Variants in ULK2 observed in about 807,000 individuals in gnomAD.
ULK2 encodes the protein serine/threonine-protein kinase ULK2.
A neutral mutation model predicts 127.5 loss-of-function variants in ULK2; 76 were observed. The ratio of observed to expected loss-of-function variants is 0.60; its 90% CI spans 0.50 to 0.72. The LOEUF is 0.72. Ranked by LOEUF, ULK2 falls within the 30% of genes least tolerant of loss-of-function variation. The pLI is 0.00. For missense variants in ULK2, 1,144 were observed against 1,295.9 expected, an observed-to-expected ratio of 0.88 and a Z score of 1.80; for synonymous variants, 452 against 461.9, an observed-to-expected ratio of 0.98 and a Z score of 0.28.
At chr17:19,840,414 C>T in intron 9 of ULK2, 1 of 501,124 alleles carries the variant, frequency 2.0e-6, no homozygotes, top group Non-Finnish European at 4.0e-6. Flanking sequence ...TGCATTTGGG[C>T]CCCTCTTCTT....
chr17:19,824,869 GC>G (rs556216096), intron 12 of ULK2, among the ~76,000 whole-genome samples: 40 of 152,308 alleles, frequency 2.6e-4, no homozygotes, highest in African/African-American at 9.1e-4. Flanking sequence ...GAGGAAAATG[GC>G]CCAGAGAGGT....
intron 3 of ULK2, among the ~76,000 whole-genome samples, chr17:19,856,321 G>A (rs574659942): frequency 3.3e-5 from 5 of 152,068 alleles, no homozygotes; most frequent in African/African-American, 4.8e-5. Flanking sequence ...GGTGGCTCAC[G>A]CCTGTAATCC....
At chr17:19,800,569 C>T (rs1349888075) in intron 16 of ULK2, among the ~76,000 whole-genome samples, 3 of 152,148 alleles carry the variant, frequency 2.0e-5, no homozygotes, top group African/African-American at 4.8e-5. Flanking sequence ...GAAACCATTG[C>T]AACAGGTAAT....
chr17:19,829,679 T>C (rs899428189), intron 10 of ULK2, among the ~76,000 whole-genome samples: 1 of 145,408 alleles, frequency 6.9e-6, no homozygotes, highest in Admixed American at 7.0e-5. Context: ...CTACTAAAAA[T>C]ATAAAAATTA....
intron 13 of ULK2, 121 bp downstream of exon 13, chr17:19,816,628 T>A: frequency 1.2e-6 from 1 of 867,230 alleles, no homozygotes; most frequent in South Asian, 4.1e-5. Flanking sequence ...TTCAAACAAC[T>A]AAATAAAATG....
chr17:19,795,327 G>A (rs747067351), intron 20 of ULK2, among the ~76,000 whole-genome samples: 39 of 112,678 alleles, frequency 3.5e-4, no homozygotes, highest in Non-Finnish European at 5.3e-4. Context: ...GGCCAACTTC[G>A]ACCAGTATTA....
intron 21 of ULK2, among the ~76,000 whole-genome samples, chr17:19,784,925 T>G (rs2086996659): frequency 6.6e-6 from 1 of 152,214 alleles, no homozygotes; most frequent in Non-Finnish European, 1.5e-5. Flanking sequence ...TTTAATCGTC[T>G]TAAAAACATA....
At chr17:19,838,723 G>A (rs911486294) in intron 9 of ULK2, 140 bp from the exon 10 acceptor site, 1 of 691,884 alleles carries the variant, frequency 1.4e-6, no homozygotes, top group Non-Finnish European at 2.3e-6. Context: ...GACCATGTAA[G>A]AGTCATCTAA....
intron 22 of ULK2, among the ~76,000 whole-genome samples, chr17:19,783,148 T>C (rs2086955008): frequency 6.6e-6 from 1 of 152,104 alleles, no homozygotes; most frequent in Admixed American, 6.6e-5. Flanking sequence ...ACTGTATGTT[T>C]CAATACACTG....
intron 16 of ULK2, among the ~76,000 whole-genome samples, chr17:19,800,646 G>A (rs764230524): frequency 6.6e-6 from 1 of 152,000 alleles, no homozygotes; most frequent in Non-Finnish European, 1.5e-5. Flanking sequence ...TTTTAAACAG[G>A]GCTCCTGAGG....
At chr17:19,798,316 C>T (rs1051825444) in intron 17 of ULK2, among the ~76,000 whole-genome samples, 2 of 152,154 alleles carry the variant, frequency 1.3e-5, no homozygotes, top group African/African-American at 2.4e-5. Flanking sequence ...ACAAAGATAA[C>T]ACTTGCCTGC....
Position 19,841,540 on chromosome 17 carries a change from C to A in ULK2, c.653G>T (p.Ser218Ile). ...LVGKPPFQAN[S>I]PQDLRMFYEK... is the part of the protein sequence containing the mutation. ...ATAAAACATCCTTAAGTCTTGAGGA[C>A]TATTGGCCTATTAAAAAAAAAAAGG... Residue 218 changes from serine (S) to isoleucine (I), a missense_variant, in exon 9 of 27, where the codon AGT becomes ATT. Around this residue, in one of 2 missense-constraint regions of ULK2, gnomAD observed 231 missense variants for 325.4 expected, o/e 0.71. Coordinates refer to ENST00000395544, the MANE Select transcript of ULK2 (RefSeq NM_014683.4). The A allele has an allele frequency of 6.4e-7, 1 of 1,569,096 alleles. No homozygotes were observed. The highest frequency in any genetic ancestry group is 8.6e-7 in the Non-Finnish European group (1 of 1,165,950).
chr17:19,850,063 A>C lies in ULK2; in HGVS notation c.226-289T>G, dbSNP rs116573422. ...TTGGTTATGATTGACCTAAAACAAC[A>C]GATCTAGGACAAAAAGCATGGTAAA... On this transcript the variant is annotated intron_variant, in intron 3 of 26. Coordinates refer to ENST00000395544, the MANE Select transcript of ULK2 (RefSeq NM_014683.4). Among the ~76,000 whole-genome samples, 291 of 152,330 alleles carry C rather than the reference A, an allele frequency of 1.9e-3. 1 individual carries two copies. Among genetic ancestry groups the C allele is most frequent in the African/African-American group, 6.6e-3 (275 of 41,576 alleles).
intron 3 of ULK2, among the ~76,000 whole-genome samples, chr17:19,860,766 T>C (rs746650450): frequency 6.6e-4 from 101 of 152,110 alleles, no homozygotes; most frequent in Non-Finnish European, 1.3e-3. Context: ...TCAGATGATC[T>C]GCCTGCCTCG....
At position 19,816,775 on chromosome 17, in the gene ULK2, GGCACCAAAACAAA is replaced by G; in HGVS notation, c.1057_1069del (p.Phe353HisfsTer51). On this transcript the variant is annotated frameshift_variant, in exon 13 of 27. Transcript: ENST00000395544. LOFTEE classifies it high-confidence loss of function. ...TGAGTGGTCTGACGAGATGTTGTGT[GGCACCAAAACAAA>G]GTCATCCGTGTCACAAGAAGAGTTC... 1 of 1,604,466 alleles carries G rather than the reference GGCACCAAAACAAA, an allele frequency of 6.2e-7. No individual in the cohort carries two copies. Among genetic ancestry groups the G allele is most frequent in the Non-Finnish European group, 8.5e-7 (1 of 1,177,162 alleles).
intron 3 of ULK2, among the ~76,000 whole-genome samples, chr17:19,857,412 T>C (rs2042157554): frequency 6.6e-6 from 1 of 152,164 alleles, no homozygotes; most frequent in Non-Finnish European, 1.5e-5. Context: ...ATCCCTTGGA[T>C]TGTACAGTCA....
At position 19,776,122 on chromosome 17, in the gene ULK2, T is replaced by C. The variant is rs2086807548; in HGVS notation, c.*227A>G. On this transcript the variant is annotated 3_prime_UTR_variant, in exon 27 of 27. Transcript: ENST00000395544. ...ACTGGGAGCCAAACACTCTTGCTCCTGCTTCTACAAAGAAAAAGGGAAAGG... is the reference window on the plus strand; with the variant it reads ...ACTGGGAGCCAAACACTCTTGCTCCCGCTTCTACAAAGAAAAAGGGAAAGG... 4 of 500,714 alleles carry C rather than the reference T, an allele frequency of 8.0e-6. No individual in the cohort carries two copies. Among genetic ancestry groups the C allele is most frequent in the Non-Finnish European group, 1.4e-5 (4 of 279,650 alleles). The allele number at this position is 500,714 out of a possible 1,614,324, so 31.0% of individuals were successfully genotyped here.
At position 19,810,402 on chromosome 17, in the gene ULK2, G is replaced by A. The variant is rs776487226; in HGVS notation, c.1133C>T (p.Ser378Leu). 3.7e-6 allele frequency: 6 copies of A among 1,607,772 alleles called. No homozygotes were observed. Among genetic ancestry groups the A allele is most frequent in the Non-Finnish European group, 5.1e-6 (6 of 1,175,356 alleles). Reference protein sequence around the residue: ...MPVGTAGRRASNEFLVCGGQC... With the variant: ...MPVGTAGRRALNEFLVCGGQC... ...CCCTCCACACACCAAGAATTCATTTGAAGCACGTCTGCCAGCAGTCCCCAC... is the reference window on the plus strand; with the variant it reads ...CCCTCCACACACCAAGAATTCATTTAAAGCACGTCTGCCAGCAGTCCCCAC... Residue 378 changes from serine (S) to leucine (L), a missense_variant, in exon 14 of 27, where the codon TCA (serine) becomes TTA (leucine). By Grantham distance (145) the Ser-to-Leu change is moderately radical. Around this residue, in one of 2 missense-constraint regions of ULK2, gnomAD observed 913 missense variants for 970.5 expected, o/e 0.94. Coordinates refer to ENST00000395544, the MANE Select transcript of ULK2 (RefSeq NM_014683.4).
intron 15 of ULK2, among the ~76,000 whole-genome samples, chr17:19,804,134 G>A (rs1045796299): frequency 5.3e-5 from 8 of 151,920 alleles, no homozygotes; most frequent in African/African-American, 1.5e-4. Flanking sequence ...TGTAATCCCA[G>A]CACTTTGAGA....
Sources: gnomAD v4.1 joint callset for allele counts (sites outside exome capture counted in the v4.1 genomes callset) on GRCh38, gnomAD v4.1.1 for gene constraint, gnomAD v4.1.1 regional missense constraint, MANE v1.5 for transcripts, NCBI Gene and HGNC (gene_info 2026-07-23, HGNC 2026-07-21) for gene names.